Variants in GTF3C5 observed in about 807,000 individuals in gnomAD.
The protein encoded by GTF3C5 is general transcription factor IIIC subunit 5.
Under a neutral mutation model 61.0 loss-of-function variants are expected in GTF3C5, and 47 were observed. The ratio of observed to expected loss-of-function variants is 0.77; its 90% confidence interval spans 0.61 to 0.98. The LOEUF is 0.98. Among genes scored for constraint, GTF3C5 ranks in the 50% least tolerant of loss-of-function variants. The pLI is 0.00. For missense variants in GTF3C5, 659 were observed against 703.3 expected (o/e 0.94, Z 0.71); for synonymous variants, 295 against 275.4 (o/e 1.07, Z -0.71).
chr9:133,044,067 C>T, intron 3 of GTF3C5, 141 bp downstream of exon 3: 4 of 623,494 alleles, frequency 6.4e-6, no homozygotes, highest in South Asian at 2.0e-5. Context: ...ATCACTTGAA[C>T]CCAGGAGGCG....
In GTF3C5 at chr9:133,042,166, G is replaced by A. The variant is rs775093538; in HGVS notation, c.233G>A (p.Arg78His). ...DPYCHPVCAN[R>H]FSTSSLLLRI... ...TACTGCCACCCAGTGTGCGCCAACC[G>A]CTTCAGTACCAGCAGCCTGCTGCTC... Residue 78 changes from arginine (R) to histidine (H), a missense_variant, in exon 2 of 11, where the codon CGC becomes CAC. Physicochemically the swap from Arg to His is conservative, Grantham distance 29. Transcript: ENST00000372097. 1.9e-6 allele frequency: 3 copies of A among 1,614,036 alleles called. No individual in the cohort carries two copies. Among genetic ancestry groups the A allele is most frequent in the Non-Finnish European group, 2.5e-6 (3 of 1,179,910 alleles).
At position 133,055,286 on chromosome 9, in the gene GTF3C5, A is replaced by G. The variant is rs1564204974; in HGVS notation, c.1167+477A>G. ...CTGTTCCCACATTCAGGCTCCCGCA[A>G]GCCGCTCCACAGCCCTGGGGGAGGC... On this transcript the variant is annotated intron_variant, in intron 8 of 10. Transcript: ENST00000372097. 5 of 1,416,290 alleles carry G rather than the reference A, an allele frequency of 3.5e-6. No homozygotes were observed. In the Admixed American group the frequency reaches 8.5e-5, roughly 24 times the overall value. 87.7% of individuals were successfully genotyped at this position (1,416,290 alleles called of 1,614,324 possible).
chr9:133,043,698 T>TGTCTGCC, intron 2 of GTF3C5, 30 bp from the exon 3 acceptor site: 1 of 1,582,012 alleles, frequency 6.3e-7, no homozygotes, highest in Non-Finnish European at 8.7e-7. Context: ...CTGGACTCAA[T>TGTCTGCC]GTCTGCCATC....
intron 1 of GTF3C5, among the ~76,000 whole-genome samples, chr9:133,035,903 A>G (rs899643680): frequency 6.6e-6 from 1 of 152,164 alleles, no homozygotes; most frequent in Admixed American, 6.5e-5. Flanking sequence ...GTTCGGTCCA[A>G]ATTTTTCCAA....
At chr9:133,056,159 T>G (rs1829932539) in intron 9 of GTF3C5, 65 bp downstream of exon 9, 31 of 1,324,068 alleles carry the variant, frequency 2.3e-5, no homozygotes, top group Non-Finnish European at 2.9e-5. Flanking sequence ...CAAAGCGGTC[T>G]CTGAACTCTT....
At chr9:133,056,570 C>T (rs75842419) in intron 9 of GTF3C5, among the ~76,000 whole-genome samples, 196 bp from the exon 10 acceptor site, 4,115 of 152,266 alleles carry the variant, frequency 0.027, 182 homozygotes, top group African/African-American at 0.089. Flanking sequence ...GTGTGTGAGG[C>T]GGTCCAGGGA....
intron 8 of GTF3C5, 71 bp downstream of exon 8, chr9:133,054,880 A>G (rs1413786597): frequency 6.5e-7 from 1 of 1,537,728 alleles, no homozygotes; most frequent in African/African-American, 1.4e-5. Flanking sequence ...TGTGGGTGAC[A>G]CCTGGGGGGC....
chr9:133,055,218 T>A, intron 8 of GTF3C5: 8 of 1,515,012 alleles, frequency 5.3e-6, no homozygotes, highest in Non-Finnish European at 6.2e-6. Context: ...GGCTCACGTT[T>A]CCGTCAGTGC....
At chr9:133,044,257 C>T (rs1361392587) in intron 3 of GTF3C5, 1 of 305,770 alleles carries the variant, frequency 3.3e-6, no homozygotes, top group South Asian at 4.2e-5. Context: ...GGGCTGAGTA[C>T]AGAACAGGGC....
At chr9:133,032,372 C>T (rs575846420) in intron 1 of GTF3C5, among the ~76,000 whole-genome samples, 2 of 151,956 alleles carry the variant, frequency 1.3e-5, no homozygotes, top group South Asian at 4.2e-4. Context: ...ACGGGACGAG[C>T]GATTTCGGTG....
chr9:133,041,793 T>A (rs1356463539), intron 1 of GTF3C5, among the ~76,000 whole-genome samples: 1 of 152,074 alleles, frequency 6.6e-6, no homozygotes, highest in Non-Finnish European at 1.5e-5. Flanking sequence ...GGTGATAGTA[T>A]CTCCCCTCAA....
rs547161719 is a variant in GTF3C5, at chr9:133,056,014, C to T, written c.1170C>T (p.Asp390=). 1.9e-6 allele frequency: 3 copies of T among 1,614,004 alleles called. No individual in the cohort carries two copies. The highest frequency in any genetic ancestry group is 4.5e-5 in the East Asian group (2 of 44,896). ...TCTCTCTCCCCCTTTGTCACCAGGA[C>T]TCTGTCTACATCTTCCGGGAAGGGG... ...KPASSKYKLK[D]SVYIFREGAL... is the part of the protein sequence containing the mutation. The change falls in exon 9 of 11, where the codon GAC becomes GAT. Residue 390 remains aspartate, a splice_region_variant and synonymous_variant. Coordinates refer to ENST00000372097, the MANE Select transcript of GTF3C5 (RefSeq NM_012087.4).
chr9:133,057,045 G>A (rs1564206414), intron 10 of GTF3C5, 137 bp downstream of exon 10: 1 of 825,934 alleles, frequency 1.2e-6, no homozygotes, highest in Admixed American at 3.4e-5. Context: ...GTGGGAGGAG[G>A]ACATTGTGAG....
At position 133,056,844 on chromosome 9, in the gene GTF3C5, C is replaced by G; in HGVS notation, c.1329C>G (p.Thr443=). The change falls in exon 10 of 11, where the codon ACC becomes ACG. Residue 443 remains threonine (T), a synonymous_variant. Coordinates refer to ENST00000372097, the MANE Select transcript of GTF3C5 (RefSeq NM_012087.4). ...GGGATGGGTGGTGCCTCCCCAAGAC[C>G]AGCGACGAGCTCAGGGACACCATGT... The part of the protein sequence containing the change: ...TERDGWCLPK[T]SDELRDTMSL... The G allele has an allele frequency of 6.2e-7, 1 of 1,612,242 alleles. No homozygotes were observed. The highest frequency in any genetic ancestry group is 8.5e-7 in the Non-Finnish European group (1 of 1,179,210).
intron 1 of GTF3C5, among the ~76,000 whole-genome samples, chr9:133,039,287 A>C (rs954419176): frequency 1.3e-5 from 2 of 152,242 alleles, no homozygotes; most frequent in Non-Finnish European, 2.9e-5. Flanking sequence ...GCTTATACAT[A>C]TAAAACATTT....
chr9:133,032,233 TG>T (rs1849753418), intron 1 of GTF3C5, among the ~76,000 whole-genome samples: 1 of 152,226 alleles, frequency 6.6e-6, no homozygotes, highest in Non-Finnish European at 1.5e-5. Context: ...CAGCCTGGAA[TG>T]GGTTTTTATC....
Position 133,054,558 on chromosome 9 carries a change from A to G in GTF3C5, c.1069+70A>G, listed in dbSNP as rs1252949122. ...AGGAAGGCGGGGCACCTGGACCCAG[A>G]CGGGGAGGTGGTTCCTGGGGGTCAC... On this transcript the variant is annotated intron_variant, in intron 7 of 10. Transcript: ENST00000372097. 39 of 1,500,166 alleles carry G rather than the reference A, an allele frequency of 2.6e-5. No homozygotes were observed. In the South Asian group the frequency reaches 4.4e-4, roughly 17 times the overall value. The allele number at this position is 1,500,166 out of a possible 1,614,324, so 92.9% of individuals were successfully genotyped here.
At chr9:133,055,734 G>T in intron 8 of GTF3C5, 1 of 1,297,744 alleles carries the variant, frequency 7.7e-7, no homozygotes, top group Admixed American at 3.4e-5. Flanking sequence ...CCAGCCCCAT[G>T]CCATGGGCGC....
In GTF3C5 at chr9:133,056,946, T is replaced by G. The variant is rs781054687; in HGVS notation, c.1393+38T>G. ...TGGGGTAAAGGGGGTCCAGGATGCC[T>G]GGTGATCTCCTTTGAGACAGAGGTG... On this transcript the variant is annotated intron_variant, in intron 10 of 10. Transcript: ENST00000372097. 3 of 1,536,554 alleles carry G rather than the reference T, an allele frequency of 2.0e-6. No individual in the cohort carries two copies. In the South Asian group the frequency reaches 3.7e-5, roughly 19 times the overall value.
Sources: gnomAD v4.1 joint callset for allele counts (sites outside exome capture counted in the v4.1 genomes callset) on GRCh38, gnomAD v4.1.1 for gene constraint, MANE v1.5 for transcripts, NCBI Gene and HGNC (gene_info 2026-07-23, HGNC 2026-07-21) for gene names.